The following HRH3 variants were observed in gnomAD, a reference collection of about 807,000 sequenced individuals.
The protein encoded by HRH3 is histamine H3 receptor.
HRH3 carries 13 observed loss-of-function variants against 21.6 expected under a neutral mutation model. The ratio of observed to expected loss-of-function variants is 0.60; its 90% CI spans 0.39 to 0.96. The LOEUF (loss-of-function observed/expected upper bound fraction) is 0.96. Ranked by LOEUF, HRH3 falls within the 40% of genes least tolerant of loss-of-function variation. HRH3 has a pLI of 0.00. For missense variants in HRH3, 461 were observed against 622.7 expected (o/e 0.74, Z 2.76); for synonymous variants, 276 against 290.3 (o/e 0.95, Z 0.50).
In HRH3 at chr20:62,216,753, G is replaced by A. The variant is rs201285011; in HGVS notation, c.591C>T (p.Tyr197=). 43 of 1,613,214 alleles carry A rather than the reference G, an allele frequency of 2.7e-5. No homozygotes were observed. The highest frequency in any genetic ancestry group is 3.4e-6 in the Non-Finnish European group (4 of 1,180,018). ...HCYAEFFYNW[Y]FLITASTLEF... ...CCAGGGTGGAAGCCGTGATGAGGAA[G>A]TACCAGTTGTAGAAGAACTCGGCAT... The change falls in exon 3 of 3, where the codon TAC becomes TAT. Residue 197 remains tyrosine (Y), a synonymous_variant. Coordinates refer to ENST00000340177, the MANE Select transcript of HRH3 (RefSeq NM_007232.3).
At position 62,218,440 on chromosome 20, in the gene HRH3, G is replaced by T. The variant is rs570495232; in HGVS notation, c.417+51C>A. ...CCCCACCCAGGTGCCTCCCATGGGCGTCCCGACTGTCCCTGCGGAGTGAAC... is the reference window on the plus strand; with the variant it reads ...CCCCACCCAGGTGCCTCCCATGGGCTTCCCGACTGTCCCTGCGGAGTGAAC... On this transcript the variant is annotated intron_variant, in intron 2 of 2. Transcript: ENST00000340177. The surrounding 1 kb of genome is among the most constrained non-coding windows in gnomAD (Gnocchi z 5.6). The T allele has an allele frequency of 7.0e-5, 111 of 1,579,710 alleles. No individual in the cohort carries two copies. The highest frequency in any genetic ancestry group is 8.8e-5 in the Non-Finnish European group (103 of 1,165,972).
At chr20:62,217,054 TCCCTCCCTCCCTCTTTC>T in intron 2 of HRH3, 128 bp from the exon 3 acceptor site, 1 of 856,304 alleles carries the variant, frequency 1.2e-6, no homozygotes, top group Non-Finnish European at 1.7e-6. Flanking sequence ...CCTCCTGTCC[TCCCTCCCTCCCTCTTTC>T]CCCTCCCTTC....
chr20:62,218,481 C>A lies in HRH3; in HGVS notation c.417+10G>T, dbSNP rs754382006. ...CGGAGTGAACAGGAGCTCCGCAGCCCAGGACTCACCGCTCGGGTGACCGAC... is the reference window on the plus strand; with the variant it reads ...CGGAGTGAACAGGAGCTCCGCAGCCAAGGACTCACCGCTCGGGTGACCGAC... On this transcript the variant is annotated intron_variant, in intron 2 of 2. Transcript: ENST00000340177. This position sits in a 1 kb window ranked among gnomAD's most constrained non-coding sequence, Gnocchi z 5.6. 4.3e-6 allele frequency: 7 copies of A among 1,609,924 alleles called. No individual in the cohort carries two copies. The African/African-American group carries it at 9.3e-5, about 21-fold the overall frequency.
chr20:62,219,578 G>A lies in HRH3; in HGVS notation c.250+143C>T, dbSNP rs930252498. On this transcript the variant is annotated intron_variant, in intron 1 of 2. Coordinates refer to ENST00000340177, the MANE Select transcript of HRH3 (RefSeq NM_007232.3). The surrounding 1 kb of genome is among the most constrained non-coding windows in gnomAD (Gnocchi z 8.7). The stretch of plus-strand genomic sequence containing the variant: ...CTTCGCCTGTGCCCCCCACCCCATG[G>A]GCTCCGGACGCCCCCTTCCCAGGCC... 1.9e-4 allele frequency: 203 copies of A among 1,050,380 alleles called. No individual in the cohort carries two copies. The highest frequency in any genetic ancestry group is 2.6e-4 in the Non-Finnish European group (196 of 761,256). 65.1% of individuals were successfully genotyped at this position (1,050,380 alleles called of 1,614,324 possible).
chr20:62,219,746 G>C lies in HRH3; in HGVS notation c.225C>G (p.Asn75Lys). 6.2e-7 allele frequency: 1 copy of C among 1,603,506 alleles called. No individual in the cohort carries two copies. ...CGACGAGGAAGTCGGAGATGGCGAG[G>C]TTGAGCAGGAAGAAGTTGTTCTGGG... is the stretch of plus-strand genomic sequence containing the variant. The part of the protein sequence containing the change: ...LRTQNNFFLL[N>K]LAISDFLVGA... Residue 75 changes from asparagine (N) to lysine (K), a missense_variant, in exon 1 of 3, where the codon AAC becomes AAG. Transcript: ENST00000340177. The surrounding 1 kb of genome is among the most constrained non-coding windows in gnomAD (Gnocchi z 8.7).
rs1456764403 is a variant in HRH3, at chr20:62,216,329, T to C, written c.1015A>G (p.Met339Val). The change falls in exon 3 of 3, where the codon ATG (methionine) becomes GTG (valine). Residue 339 changes from methionine (M) to valine (V), a missense_variant. This residue lies in a region of HRH3 where 102 missense variants were observed against 166.6 expected (regional missense o/e 0.61). Coordinates refer to ENST00000340177, the MANE Select transcript of HRH3 (RefSeq NM_007232.3). ...CGCTGGGTGAAGCTCTGGGACACCATCTTCATGCGCTTCTCCAGCGAGGCC... is the reference window on the plus strand; with the variant it reads ...CGCTGGGTGAAGCTCTGGGACACCACCTTCATGCGCTTCTCCAGCGAGGCC... ...SSASLEKRMK[M>V]VSQSFTQRFR... The C allele has an allele frequency of 1.2e-6, 2 of 1,607,626 alleles. No homozygotes were observed. Among genetic ancestry groups the C allele is most frequent in the Admixed American group, 3.4e-5 (2 of 59,596 alleles).
rs935312346 is a variant in HRH3 at position 62,218,174 on chromosome 20, C to T, written c.417+317G>A. ...CATGTGGGAGGGATGTCACCCAGGG[C>T]GTCTGGCCCCAGATCCTCCCTTAAC... On this transcript the variant is annotated intron_variant, in intron 2 of 2. Transcript: ENST00000340177. This position sits in a 1 kb window ranked among gnomAD's most constrained non-coding sequence, Gnocchi z 5.6. 4.6e-5 allele frequency among the ~76,000 whole-genome samples: 7 copies of T among 152,224 alleles called. No individual in the cohort carries two copies. The highest frequency in any genetic ancestry group is 1.7e-4 in the African/African-American group (7 of 41,458).
chr20:62,215,141 G>A lies in HRH3; in HGVS notation c.*865C>T, dbSNP rs1978480369. 1.4e-5 allele frequency: 5 copies of A among 356,394 alleles called. No homozygotes were observed. Among genetic ancestry groups the A allele is most frequent in the South Asian group, 2.1e-5 (1 of 47,386 alleles). The allele number at this position is 356,394 out of a possible 1,614,324, so 22.1% of individuals were successfully genotyped here. On this transcript the variant is annotated 3_prime_UTR_variant, in exon 3 of 3. Coordinates refer to ENST00000340177, the MANE Select transcript of HRH3 (RefSeq NM_007232.3). Reference sequence around the variant, plus strand: ...CGCCTTGGGACCCTCGGGCCCAGCCGGGCCCCCTCCTCCCAACAACCCCCA... The same window carrying A: ...CGCCTTGGGACCCTCGGGCCCAGCCAGGCCCCCTCCTCCCAACAACCCCCA...
In HRH3 at chr20:62,215,789, G is replaced by C. The variant is rs1978509712; in HGVS notation, c.*217C>G. On this transcript the variant is annotated 3_prime_UTR_variant, in exon 3 of 3. Transcript: ENST00000340177. ...GTGGAGCCAGAATGTGGGGGGCAGG[G>C]CCGGCCACCCAGCCTCCAGTCCAGC... 1.7e-6 allele frequency: 1 copy of C among 584,390 alleles called. No individual in the cohort carries two copies. Among genetic ancestry groups the C allele is most frequent in the Non-Finnish European group, 3.0e-6 (1 of 329,764 alleles). The allele number at this position is 584,390 out of a possible 1,614,324, so 36.2% of individuals were successfully genotyped here.
In HRH3 at chr20:62,218,354, G is replaced by A. The variant is rs1978665766; in HGVS notation, c.417+137C>T. ...GGCAGCTGGCCGTCGAGTGGCCCAT[G>A]TGTCAGCAGCAAAGCCAGTGGGACC... On this transcript the variant is annotated intron_variant, in intron 2 of 2. Transcript: ENST00000340177. This position sits in a 1 kb window ranked among gnomAD's most constrained non-coding sequence, Gnocchi z 5.6. 5.0e-6 allele frequency: 5 copies of A among 994,606 alleles called. No homozygotes were observed. Among genetic ancestry groups the A allele is most frequent in the Non-Finnish European group, 5.8e-6 (4 of 686,248 alleles). The allele number at this position is 994,606 out of a possible 1,614,324, so 61.6% of individuals were successfully genotyped here. A position where few individuals can be genotyped will look rare whatever the true frequency, so the allele number is the denominator to read the frequency against.
In HRH3 at chr20:62,218,484, G is replaced by A; in HGVS notation, c.417+7C>T. 1 of 1,610,308 alleles carries A rather than the reference G, an allele frequency of 6.2e-7. No homozygotes were observed. Among genetic ancestry groups the A allele is most frequent in the Non-Finnish European group, 8.5e-7 (1 of 1,179,646 alleles). On this transcript the variant is annotated splice_region_variant and intron_variant, in intron 2 of 2. Transcript: ENST00000340177. This position sits in a 1 kb window ranked among gnomAD's most constrained non-coding sequence, Gnocchi z 5.6. ...AGTGAACAGGAGCTCCGCAGCCCAG[G>A]ACTCACCGCTCGGGTGACCGACAGG... is the stretch of plus-strand genomic sequence containing the variant.
Position 62,216,370 on chromosome 20 carries a change from TTG to T in HRH3, c.972_973del (p.Lys325AlafsTer66). 6.4e-7 allele frequency: 1 copy of T among 1,568,570 alleles called. No homozygotes were observed. Among genetic ancestry groups the T allele is most frequent in the Non-Finnish European group, 8.6e-7 (1 of 1,156,228 alleles). ...CAGCGAGGCCGAGGACGCCGACGGC[TTG>T]GAGCCCCTCTTGAGTGAGCGCGGCC... On this transcript the variant is annotated frameshift_variant, in exon 3 of 3. Coordinates refer to ENST00000340177, the MANE Select transcript of HRH3 (RefSeq NM_007232.3). LOFTEE classifies it high-confidence loss of function.
In HRH3 at chr20:62,216,462, G is replaced by A. The variant is rs183092990; in HGVS notation, c.882C>T (p.Gly294=). ...GTGAAGCCACGGAGCCGCCCCCACC[G>A]CCACCCCCGAGGGTCGCCTCCCCGG... ...AEAGEATLGG[G]GGGGSVASPT... is the part of the protein sequence containing the mutation. Residue 294 remains glycine (G), a synonymous_variant, in exon 3 of 3, where the codon GGC becomes GGT. Coordinates refer to ENST00000340177, the MANE Select transcript of HRH3 (RefSeq NM_007232.3). 1.9e-5 allele frequency: 29 copies of A among 1,541,084 alleles called. No homozygotes were observed. Among genetic ancestry groups the A allele is most frequent in the African/African-American group, 5.5e-5 (4 of 73,130 alleles).
Position 62,219,068 on chromosome 20 carries a change from T to G in HRH3, c.251-411A>C, listed in dbSNP as rs1310775358. On this transcript the variant is annotated intron_variant, in intron 1 of 2. Transcript: ENST00000340177. This position sits in a 1 kb window ranked among gnomAD's most constrained non-coding sequence, Gnocchi z 8.7. ...CCCTGGCGCTGGACAACCCTCGGTC[T>G]CAGCTTAGACAAGGAGAAAGCCTTT... 6.6e-6 allele frequency among the ~76,000 whole-genome samples: 1 copy of G among 151,582 alleles called. No homozygotes were observed. The highest frequency in any genetic ancestry group is 1.5e-5 in the Non-Finnish European group (1 of 67,894).
rs1169719115 is a variant in HRH3 at position 62,216,397 on chromosome 20, C to T, written c.947G>A (p.Arg316Lys). ...GGAGCCCCTCTTGAGTGAGCGCGGC[C>T]TCTCAGTGCCCCTCGAGGAGCTGCC... ...SSGSSSRGTERPRSLKRGSKP... is the reference protein window; with the variant it reads ...SSGSSSRGTEKPRSLKRGSKP... The change falls in exon 3 of 3, where the codon AGG becomes AAG. Residue 316 changes from arginine to lysine, a missense_variant. This residue lies in a region of HRH3 where 163 missense variants were observed against 139.4 expected (regional missense o/e 1.17). Coordinates refer to ENST00000340177, the MANE Select transcript of HRH3 (RefSeq NM_007232.3). 1 of 1,545,864 alleles carries T rather than the reference C, an allele frequency of 6.5e-7. No homozygotes were observed. Among genetic ancestry groups the T allele is most frequent in the South Asian group, 1.2e-5 (1 of 84,912 alleles).
Position 62,218,385 on chromosome 20 carries a change from CACTTCTGCCCACA to C in HRH3, c.417+93_417+105del. 1 of 1,299,080 alleles carries C rather than the reference CACTTCTGCCCACA, an allele frequency of 7.7e-7. No individual in the cohort carries two copies. The highest frequency in any genetic ancestry group is 1.0e-6 in the Non-Finnish European group (1 of 952,716). 80.5% of individuals were successfully genotyped at this position (1,299,080 alleles called of 1,614,324 possible). ...GCAGCAAAGCCAGTGGGACCAAGCC[CACTTCTGCCCACA>C]ACTCAGAAGTGGCCGTCCCCACCCA... On this transcript the variant is annotated intron_variant, in intron 2 of 2. Coordinates refer to ENST00000340177, the MANE Select transcript of HRH3 (RefSeq NM_007232.3). This position sits in a 1 kb window ranked among gnomAD's most constrained non-coding sequence, Gnocchi z 5.6.
rs772458129 is a variant in HRH3, at chr20:62,218,227, C to T, written c.417+264G>A. On this transcript the variant is annotated intron_variant, in intron 2 of 2. Transcript: ENST00000340177. The surrounding 1 kb of genome is among the most constrained non-coding windows in gnomAD (Gnocchi z 5.6). ...CGGGGACTGTGGACCTGCCCCAGGG[C>T]GGGGGCTGCAGCGACAGCCCTGCCT... Among the ~76,000 whole-genome samples the T allele has an allele frequency of 4.6e-5, 7 of 152,216 alleles. No individual in the cohort carries two copies. Among genetic ancestry groups the T allele is most frequent in the Non-Finnish European group, 7.4e-5 (5 of 68,024 alleles).
intron 2 of HRH3, among the ~76,000 whole-genome samples, chr20:62,217,894 G>A (rs1978645558): frequency 6.6e-6 from 1 of 152,178 alleles, no homozygotes; most frequent in Non-Finnish European, 1.5e-5. Flanking sequence ...AGCCTTTCTA[G>A]GCTAGAACCA....
In HRH3 at chr20:62,216,479, C is replaced by T. The variant is rs556427489; in HGVS notation, c.865G>A (p.Ala289Thr). ...EAAVGAEAGEATLGGGGGGGS... is the reference protein window; with the variant it reads ...EAAVGAEAGETTLGGGGGGGS... ...CCCCCACCGCCACCCCCGAGGGTCG[C>T]CTCCCCGGCCTCAGCGCCTACGGCC... The change falls in exon 3 of 3, where the codon GCG becomes ACG. Residue 289 changes from alanine to threonine, a missense_variant. Transcript: ENST00000340177. 1.3e-6 allele frequency: 2 copies of T among 1,558,850 alleles called. No individual in the cohort carries two copies. The highest frequency in any genetic ancestry group is 1.4e-5 in the African/African-American group (1 of 73,740).
Sources: allele counts gnomAD v4.1 joint callset (sites outside exome capture counted in the v4.1 genomes callset), GRCh38; gene constraint gnomAD v4.1.1; regional missense constraint gnomAD v4.1.1; non-coding constraint Gnocchi (gnomAD v3.1); transcripts MANE v1.5; gene names NCBI Gene and HGNC (gene_info 2026-07-23, HGNC 2026-07-21).